The following PTPRG variants were observed in gnomAD, a reference collection of about 807,000 sequenced individuals.
PTPRG encodes protein tyrosine phosphatase receptor type G.
PTPRG carries 102 observed loss-of-function variants against 165.3 expected under a neutral mutation model. The ratio of observed to expected loss-of-function variants is 0.62; its 90% CI spans 0.53 to 0.73. The LOEUF (loss-of-function observed/expected upper bound fraction) is 0.73. Ranked by LOEUF, PTPRG falls within the 30% of genes least tolerant of loss-of-function variation. PTPRG has a pLI of 0.00. For missense variants in PTPRG, 1,866 were observed against 1,861.4 expected, an observed-to-expected ratio of 1.00 and a Z score of -0.05; for synonymous variants, 675 against 669.5, an observed-to-expected ratio of 1.01 and a Z score of -0.13.
intron 1 of PTPRG, among the ~76,000 whole-genome samples, chr3:61,705,684 A>G (rs898532853): frequency 2.0e-5 from 3 of 152,174 alleles, no homozygotes; most frequent in African/African-American, 7.2e-5. Flanking sequence ...GAACGATGTC[A>G]TCATAGGCTG....
chr3:61,606,633 G>T (rs1293783398), intron 1 of PTPRG, among the ~76,000 whole-genome samples: 1 of 152,332 alleles, frequency 6.6e-6, no homozygotes, highest in Middle Eastern at 3.4e-3. Context: ...TACACTTCTG[G>T]AGGCTGGGAA....
At chr3:61,718,902 T>G (rs1347711213) in intron 1 of PTPRG, among the ~76,000 whole-genome samples, 2 of 152,098 alleles carry the variant, frequency 1.3e-5, no homozygotes, top group South Asian at 2.1e-4. Flanking sequence ...AATTTGGAGT[T>G]TGGTTCTTAA....
At chr3:61,853,510 C>G (rs1336061527) in intron 2 of PTPRG, among the ~76,000 whole-genome samples, 1 of 152,232 alleles carries the variant, frequency 6.6e-6, no homozygotes, top group Non-Finnish European at 1.5e-5. Context: ...GATTGAACCA[C>G]TTAGGAAATG....
At chr3:61,981,754 T>C (rs1254006449) in intron 2 of PTPRG, among the ~76,000 whole-genome samples, 3 of 152,218 alleles carry the variant, frequency 2.0e-5, no homozygotes, top group Non-Finnish European at 4.4e-5. Flanking sequence ...TTAGGAGCTT[T>C]AGAGGTGATC....
At chr3:62,275,323 T>C (rs1194421544) in intron 23 of PTPRG, among the ~76,000 whole-genome samples, 2 of 143,010 alleles carry the variant, frequency 1.4e-5, no homozygotes, top group South Asian at 2.4e-4. Flanking sequence ...TCTTTTTTAA[T>C]GTAGACTCAC....
intron 2 of PTPRG, among the ~76,000 whole-genome samples, chr3:61,900,341 T>G (rs1014954758): frequency 1.3e-5 from 2 of 152,224 alleles, no homozygotes; most frequent in Non-Finnish European, 2.9e-5. Flanking sequence ...ATAAATGACT[T>G]CTACCATTGC....
chr3:62,289,775 T>C (rs1702811770), intron 28 of PTPRG, among the ~76,000 whole-genome samples: 1 of 146,208 alleles, frequency 6.8e-6, no homozygotes, highest in Non-Finnish European at 1.5e-5. Flanking sequence ...ATTTACCAGA[T>C]GTATATTAGC....
At chr3:61,812,110 T>C (rs1454998660) in intron 2 of PTPRG, among the ~76,000 whole-genome samples, 1 of 152,228 alleles carries the variant, frequency 6.6e-6, no homozygotes, top group Non-Finnish European at 1.5e-5. Flanking sequence ...CGTGTGGTTT[T>C]GCAGGATGAA....
In PTPRG at chr3:62,271,185, A is replaced by G. The variant is rs537259953; in HGVS notation, c.3010-198A>G. ...TAAACAGTCTTCTCTTCTAAGTGAT[A>G]GTGACACTTCATATCCAGCTTGGTA... On this transcript the variant is annotated intron_variant, in intron 20 of 29. Coordinates refer to ENST00000474889, the MANE Select transcript of PTPRG (RefSeq NM_002841.4). This position sits in a 1 kb window ranked among gnomAD's most constrained non-coding sequence, Gnocchi z 4.1. Among the ~76,000 whole-genome samples the G allele has an allele frequency of 2.1e-4, 32 of 152,346 alleles. No individual in the cohort carries two copies. The highest frequency in any genetic ancestry group is 7.5e-4 in the African/African-American group (31 of 41,586).
chr3:61,949,828 A>G (rs868819543), intron 2 of PTPRG, among the ~76,000 whole-genome samples: 1 of 149,820 alleles, frequency 6.7e-6, no homozygotes, highest in South Asian at 2.1e-4. Context: ...GCTCACTGCA[A>G]CCTCCACCTC....
chr3:61,757,868 G>T (rs1307461892), intron 2 of PTPRG, among the ~76,000 whole-genome samples: 4 of 152,142 alleles, frequency 2.6e-5, no homozygotes, highest in Non-Finnish European at 4.4e-5. Context: ...GTGCGCGTGG[G>T]TGGAAGGACA....
At chr3:61,751,729 G>A (rs945818065) in intron 2 of PTPRG, among the ~76,000 whole-genome samples, 4 of 152,150 alleles carry the variant, frequency 2.6e-5, no homozygotes, top group Non-Finnish European at 2.9e-5. Context: ...AGTGGCTCAC[G>A]CCTGTAATCC....
intron 2 of PTPRG, among the ~76,000 whole-genome samples, chr3:61,956,266 G>T (rs947280794): frequency 7.8e-6 from 1 of 128,418 alleles, no homozygotes; most frequent in Non-Finnish European, 1.7e-5. Flanking sequence ...GCTCACTCGC[G>T]TGCACGCTGT....
intron 1 of PTPRG, among the ~76,000 whole-genome samples, chr3:61,595,660 A>G (rs1194367641): frequency 1.3e-5 from 2 of 152,250 alleles, no homozygotes; most frequent in Non-Finnish European, 2.9e-5. Flanking sequence ...TTGACACAGC[A>G]TCTGTCAAGC....
At chr3:62,127,239 T>C (rs992588093) in intron 5 of PTPRG, among the ~76,000 whole-genome samples, 1 of 152,206 alleles carries the variant, frequency 6.6e-6, no homozygotes, top group Non-Finnish European at 1.5e-5. Flanking sequence ...TTATAAATGC[T>C]TTCTGACAGC....
At position 62,282,874 on chromosome 3, in the gene PTPRG, G is replaced by A; in HGVS notation, c.4055+5G>A. ...TCCCACCATTGTTCATGATGAGTAT[G>A]TATCTGTTTCTTAATTTTAAAATGT... On this transcript the variant is annotated splice_donor_5th_base_variant and intron_variant, in intron 28 of 29. Transcript: ENST00000474889. The A allele has an allele frequency of 9.4e-6, 15 of 1,590,184 alleles. No individual in the cohort carries two copies. The highest frequency in any genetic ancestry group is 1.3e-5 in the Non-Finnish European group (15 of 1,170,168).
At chr3:62,054,559 C>T (rs1700570132) in intron 4 of PTPRG, among the ~76,000 whole-genome samples, 1 of 152,134 alleles carries the variant, frequency 6.6e-6, no homozygotes, top group Non-Finnish European at 1.5e-5. Context: ...TGGGTGTCAC[C>T]TGACTTCACC....
chr3:61,833,683 C>T (rs1227576142), intron 2 of PTPRG, among the ~76,000 whole-genome samples: 3 of 152,108 alleles, frequency 2.0e-5, no homozygotes, highest in Non-Finnish European at 2.9e-5. Flanking sequence ...GTGCCTCAGC[C>T]TCCTGAGTAG....
intron 5 of PTPRG, among the ~76,000 whole-genome samples, chr3:62,087,297 A>G (rs1445144001): frequency 1.3e-5 from 2 of 152,068 alleles, no homozygotes; most frequent in African/African-American, 4.8e-5. Context: ...TTTTTCCTAG[A>G]TTTGGTCTTC....
Sources: allele counts gnomAD v4.1 joint callset (sites outside exome capture counted in the v4.1 genomes callset), GRCh38; gene constraint gnomAD v4.1.1; non-coding constraint Gnocchi (gnomAD v3.1); transcripts MANE v1.5; gene names NCBI Gene and HGNC (gene_info 2026-07-23, HGNC 2026-07-21).